NCKAP1: variants seen among roughly 807,000 people sequenced by gnomAD.
NCKAP1 encodes the protein nck-associated protein 1.
NCKAP1 carries 21 observed loss-of-function variants against 151.2 expected under a neutral mutation model. The ratio of observed to expected loss-of-function variants is 0.14; its 90% CI spans 0.10 to 0.20. The LOEUF is 0.20. NCKAP1 is among the 10% of genes least tolerant of loss of function. The pLI is 1.00. For synonymous variants in NCKAP1, 484 were observed against 451.8 expected (o/e 1.07, Z -0.90); for missense variants, 933 against 1,352.1 (o/e 0.69, Z 4.86).
At chr2:182,980,196 CT>C (rs1559091393) in intron 13 of NCKAP1, among the ~76,000 whole-genome samples, 1 of 151,816 alleles carries the variant, frequency 6.6e-6, no homozygotes, top group Non-Finnish European at 1.5e-5. Flanking sequence ...TTTCTGTTCC[CT>C]TTTTAAATGA....
In NCKAP1 at chr2:182,952,476, C is replaced by T; in HGVS notation, c.2530G>A (p.Gly844Ser). 1 of 1,605,672 alleles carries T rather than the reference C, an allele frequency of 6.2e-7. No individual in the cohort carries two copies. Among genetic ancestry groups the T allele is most frequent in the Non-Finnish European group, 8.5e-7 (1 of 1,176,776 alleles). Residue 844 changes from glycine (G) to serine (S), a missense_variant, in exon 23 of 31, where the codon GGC (glycine) becomes AGC (serine). This residue lies in a region of NCKAP1 where 326 missense variants were observed against 557.1 expected (regional missense o/e 0.59). Coordinates refer to ENST00000361354, the MANE Select transcript of NCKAP1 (RefSeq NM_013436.5). The part of the protein sequence containing the change: ...SEMRSLSELL[G>S]PYGMKFLSES... ...CTTAGAAACTTCATACCATATGGGCCTAGTAGTTCTGATAATGACCTCATT... is the reference window on the plus strand; with the variant it reads ...CTTAGAAACTTCATACCATATGGGCTTAGTAGTTCTGATAATGACCTCATT...
chr2:182,959,609 T>C (rs1226822153), intron 18 of NCKAP1, among the ~76,000 whole-genome samples: 2 of 152,168 alleles, frequency 1.3e-5, no homozygotes, highest in African/African-American at 4.8e-5. Flanking sequence ...CAGCCATCTA[T>C]GACAAACCCA....
intron 1 of NCKAP1, among the ~76,000 whole-genome samples, chr2:183,029,025 G>T (rs1004261719): frequency 6.6e-6 from 1 of 152,018 alleles, no homozygotes; most frequent in Non-Finnish European, 1.5e-5. Context: ...GCTGAGGCAG[G>T]AGAATCGCTT....
intron 1 of NCKAP1, among the ~76,000 whole-genome samples, chr2:183,027,007 C>G (rs1698910580): frequency 6.6e-6 from 1 of 152,140 alleles, no homozygotes; most frequent in Non-Finnish European, 1.5e-5. Flanking sequence ...TCCCCTCTCT[C>G]AATCAAATAT....
At chr2:182,972,856 A>C (rs764860995) in intron 15 of NCKAP1, among the ~76,000 whole-genome samples, 1 of 152,102 alleles carries the variant, frequency 6.6e-6, no homozygotes, top group Non-Finnish European at 1.5e-5. Context: ...AATTGATCTC[A>C]TGGACGCAGA....
intron 1 of NCKAP1, among the ~76,000 whole-genome samples, chr2:183,026,486 CTAAAAAA>C (rs1178657308): frequency 1.4e-4 from 19 of 131,972 alleles, no homozygotes; most frequent in Non-Finnish European, 1.9e-4. Flanking sequence ...AAACTAAAAA[CTAAAAAA>C]AAAAAAAAAA....
At chr2:183,003,582 T>C (rs1052069551) in intron 2 of NCKAP1, among the ~76,000 whole-genome samples, 3 of 151,728 alleles carry the variant, frequency 2.0e-5, no homozygotes, top group African/African-American at 7.3e-5. Flanking sequence ...AATCTGAAAG[T>C]GTTAGGAAAA....
At chr2:182,954,919 A>T (rs1429338907) in intron 20 of NCKAP1, among the ~76,000 whole-genome samples, 1 of 152,226 alleles carries the variant, frequency 6.6e-6, no homozygotes, top group Non-Finnish European at 1.5e-5. Context: ...GGATTAACAA[A>T]GCAGACTGTT....
At position 182,918,412 on chromosome 2, in the gene NCKAP1, T is replaced by G. The variant is rs1010273396; in HGVS notation, c.*7290A>C. Reference sequence around the variant, plus strand: ...TATTTATTGCAGCACAATTCATAACTGCAAAGATATGGAACCAACCTAAGT... The same window carrying G: ...TATTTATTGCAGCACAATTCATAACGGCAAAGATATGGAACCAACCTAAGT... On this transcript the variant is annotated 3_prime_UTR_variant, in exon 31 of 31. Transcript: ENST00000361354. The G allele has an allele frequency of 1.2e-4, 19 of 152,138 alleles. No individual in the cohort carries two copies. Among genetic ancestry groups the G allele is most frequent in the African/African-American group, 4.3e-4 (18 of 41,436 alleles). 9.4% of individuals were successfully genotyped at this position (152,138 alleles called of 1,614,324 possible). A position where few individuals can be genotyped will look rare whatever the true frequency, so the allele number is the denominator to read the frequency against.
intron 24 of NCKAP1, 37 bp downstream of exon 24, chr2:182,942,033 C>T (rs1465400234): frequency 2.0e-6 from 3 of 1,522,210 alleles, no homozygotes; most frequent in Non-Finnish European, 2.7e-6. Flanking sequence ...GTATCAAGAT[C>T]TTCTTATGTT....
intron 13 of NCKAP1, 38 bp from the exon 14 acceptor site, chr2:182,978,953 T>C (rs757859005): frequency 1.9e-5 from 28 of 1,455,752 alleles, no homozygotes; most frequent in Middle Eastern, 1.8e-4. Flanking sequence ...AAAACATCTA[T>C]AGTTGGGAAA....
chr2:182,929,885 T>A (rs894819512), intron 27 of NCKAP1, among the ~76,000 whole-genome samples: 3 of 151,928 alleles, frequency 2.0e-5, no homozygotes, highest in Non-Finnish European at 4.4e-5. Flanking sequence ...TCAAGAAATA[T>A]CTACAGGATT....
At chr2:182,990,308 G>T (rs1698141698) in intron 8 of NCKAP1, among the ~76,000 whole-genome samples, 1 of 151,866 alleles carries the variant, frequency 6.6e-6, no homozygotes, top group Non-Finnish European at 1.5e-5. Flanking sequence ...CAAGAACTGG[G>T]ATTACAGGTA....
At chr2:182,929,038 C>T in intron 27 of NCKAP1, 139 bp from the exon 28 acceptor site, 2 of 571,178 alleles carry the variant, frequency 3.5e-6, no homozygotes, top group Non-Finnish European at 3.1e-6. Context: ...TACTAGCATT[C>T]TATAGAATTG....
At chr2:182,965,981 G>A (rs2105837603) in intron 16 of NCKAP1, among the ~76,000 whole-genome samples, 1 of 152,256 alleles carries the variant, frequency 6.6e-6, no homozygotes, top group Non-Finnish European at 1.5e-5. Flanking sequence ...TCTACCTGGT[G>A]ATTTGAATTT....
intron 15 of NCKAP1, among the ~76,000 whole-genome samples, chr2:182,976,163 T>C (rs532081575): frequency 6.6e-6 from 1 of 152,308 alleles, no homozygotes; most frequent in African/African-American, 2.4e-5. Context: ...CACTGGGCCA[T>C]TTTCCCATAA....
At position 182,947,012 on chromosome 2, in the gene NCKAP1, T is replaced by C. The variant is rs755835252; in HGVS notation, c.2602-4849A>G. ...TTTAATCATGGCAGCCTGCCAGATA[T>C]ATAAAACCTCCTACCTCCACCCTGC... On this transcript the variant is annotated intron_variant, in intron 23 of 30. Transcript: ENST00000361354. 32 of 152,250 alleles carry C rather than the reference T, an allele frequency of 2.1e-4. 1 individual carries two copies. The highest frequency in any genetic ancestry group is 4.0e-4 in the Non-Finnish European group (27 of 68,064). The allele number at this position is 152,250 out of a possible 1,614,324, so 9.4% of individuals were successfully genotyped here.
chr2:183,028,058 A>G (rs1231416762), intron 1 of NCKAP1, among the ~76,000 whole-genome samples: 1 of 152,186 alleles, frequency 6.6e-6, no homozygotes, highest in East Asian at 1.9e-4. Context: ...TAATCAAAAG[A>G]TTTAACAAAT....
intron 23 of NCKAP1, among the ~76,000 whole-genome samples, chr2:182,942,383 A>C (rs1697014254): frequency 6.6e-6 from 1 of 152,174 alleles, no homozygotes; most frequent in South Asian, 2.1e-4. Context: ...AGAAGGAAGG[A>C]GTTCAGGAAA....
Sources: allele counts gnomAD v4.1 joint callset (sites outside exome capture counted in the v4.1 genomes callset), GRCh38; gene constraint gnomAD v4.1.1; regional missense constraint gnomAD v4.1.1; transcripts MANE v1.5; gene names NCBI Gene and HGNC (gene_info 2026-07-23, HGNC 2026-07-21).